LGALS3BP: variants seen among roughly 807,000 people sequenced by gnomAD.
LGALS3BP encodes galectin 3 binding protein.
Under a neutral mutation model 22.9 loss-of-function variants are expected in LGALS3BP, and 25 were observed. That is an observed-to-expected ratio of 1.09 (90% CI 0.80 to 1.53). LGALS3BP has a LOEUF of 1.53. LGALS3BP is among the 40% of genes most tolerant of loss of function. The pLI is 0.00. For synonymous variants in LGALS3BP, 335 were observed against 331.1 expected, an observed-to-expected ratio of 1.01 and a Z score of -0.13; for missense variants, 718 against 752.0, an observed-to-expected ratio of 0.95 and a Z score of 0.53.
chr17:78,972,289 G>T lies in LGALS3BP; in HGVS notation c.1045C>A (p.Pro349Thr), dbSNP rs1294063221. 4 of 1,613,360 alleles carry T rather than the reference G, an allele frequency of 2.5e-6. No homozygotes were observed. Among genetic ancestry groups the T allele is most frequent in the Non-Finnish European group, 3.4e-6 (4 of 1,179,804 alleles). Reference sequence around the variant, plus strand: ...AAGAGCTCCTCAGGGAGCATCATGGGGAAGCGGATCTTCTCCACCAAGCCC... The same window carrying T: ...AAGAGCTCCTCAGGGAGCATCATGGTGAAGCGGATCTTCTCCACCAAGCCC... The part of the protein sequence containing the change: ...VEGLVEKIRF[P>T]MMLPEELFEL... Residue 349 changes from proline (P) to threonine (T), a missense_variant, in exon 6 of 6, where the codon CCC (proline) becomes ACC (threonine). Transcript: ENST00000262776. This position sits in a 1 kb window ranked among gnomAD's most constrained non-coding sequence, Gnocchi z 5.1.
Position 78,977,139 on chromosome 17 carries a change from C to T in LGALS3BP, c.52+1G>A, listed in dbSNP as rs747685151. The T allele has an allele frequency of 6.8e-6, 11 of 1,613,308 alleles. No individual in the cohort carries two copies. The highest frequency in any genetic ancestry group is 9.3e-6 in the Non-Finnish European group (11 of 1,179,998). Reference sequence around the variant, plus strand: ...TGGTATTTCCCAGGGGCTCAGCTCACCTTGGGTTCCTGCAACCAGCAGCCA... The same window carrying T: ...TGGTATTTCCCAGGGGCTCAGCTCATCTTGGGTTCCTGCAACCAGCAGCCA... On this transcript the variant is annotated splice_donor_variant, in intron 2 of 5. Transcript: ENST00000262776. LOFTEE classifies it high-confidence loss of function.
At chr17:78,978,345 G>A (rs78176322) in intron 1 of LGALS3BP, among the ~76,000 whole-genome samples, 2 of 152,214 alleles carry the variant, frequency 1.3e-5, no homozygotes, top group Non-Finnish European at 2.9e-5. Flanking sequence ...ACTCGTGCTC[G>A]CTGGCACTGT....
chr17:78,976,146 A>G lies in LGALS3BP; in HGVS notation c.63T>C (p.Asp21=). The G allele has an allele frequency of 1.9e-6, 3 of 1,580,180 alleles. No homozygotes were observed. The highest frequency in any genetic ancestry group is 2.3e-5 in the South Asian group (2 of 86,572). Residue 21 remains aspartate, a synonymous_variant, in exon 3 of 6, where the codon GAT becomes GAC. Transcript: ENST00000262776. This position sits in a 1 kb window ranked among gnomAD's most constrained non-coding sequence, Gnocchi z 4.6. ...LLVAGTQGVN[D]GDMRLADGGA... ...CCCCATCGGCCAGCCGCATGTCACC[A>G]TCGTTCACGCCTGCAGGCAGAGACC...
chr17:78,975,606 C>A (rs1395379047), intron 3 of LGALS3BP, among the ~76,000 whole-genome samples: 1 of 151,928 alleles, frequency 6.6e-6, no homozygotes, highest in Non-Finnish European at 1.5e-5. Context: ...GCCTGGCCAA[C>A]ATGGTGAAAC....
intron 1 of LGALS3BP, among the ~76,000 whole-genome samples, chr17:78,978,722 C>T (rs904691663): frequency 2.0e-5 from 3 of 152,244 alleles, no homozygotes; most frequent in Non-Finnish European, 4.4e-5. Context: ...CACTCTGCTG[C>T]AGCCACTAGG....
chr17:78,974,603 G>T lies in LGALS3BP; in HGVS notation c.376+85C>A, dbSNP rs534995320. The T allele has an allele frequency of 9.2e-4, 1,355 of 1,469,786 alleles. 10 individuals are homozygous for T. The Middle Eastern group carries it at 0.023, about 25-fold the overall frequency. 91.0% of individuals were successfully genotyped at this position (1,469,786 alleles called of 1,614,324 possible). A position where few individuals can be genotyped will look rare whatever the true frequency, so the allele number is the denominator to read the frequency against. On this transcript the variant is annotated intron_variant, in intron 4 of 5. Transcript: ENST00000262776. ...AGGAACCTTTGTGTGCTTCATGTGCGTGGGGGGGTGGTGCTGGGAGGGGCA... is the reference window on the plus strand; with the variant it reads ...AGGAACCTTTGTGTGCTTCATGTGCTTGGGGGGGTGGTGCTGGGAGGGGCA...
At position 78,971,446 on chromosome 17, in the gene LGALS3BP, A is replaced by C; in HGVS notation, c.*130T>G. The C allele has an allele frequency of 1.2e-6, 1 of 803,310 alleles. No homozygotes were observed. The highest frequency in any genetic ancestry group is 1.9e-6 in the Non-Finnish European group (1 of 520,252). 49.8% of individuals were successfully genotyped at this position (803,310 alleles called of 1,614,324 possible). On this transcript the variant is annotated 3_prime_UTR_variant, in exon 6 of 6. Transcript: ENST00000262776. The surrounding 1 kb of genome is among the most constrained non-coding windows in gnomAD (Gnocchi z 5.6). ...AGTAATTTCTTGAAGCTGAGCGCTC[A>C]GGTGAGTAGGGCGACATCTGGTGGC...
At chr17:78,977,966 T>C (rs2070735031) in intron 1 of LGALS3BP, among the ~76,000 whole-genome samples, 1 of 152,208 alleles carries the variant, frequency 6.6e-6, no homozygotes, top group Non-Finnish European at 1.5e-5. Flanking sequence ...TGGCCTGGTG[T>C]TCTTGCCTCC....
At position 78,971,697 on chromosome 17, in the gene LGALS3BP, C is replaced by G; in HGVS notation, c.1637G>C (p.Ser546Thr). 6.2e-7 allele frequency: 1 copy of G among 1,613,966 alleles called. No homozygotes were observed. Among genetic ancestry groups the G allele is most frequent in the South Asian group, 1.1e-5 (1 of 91,074 alleles). Residue 546 changes from serine to threonine, a missense_variant, in exon 6 of 6, where the codon AGT becomes ACT. Physicochemically the swap from Ser to Thr is moderately conservative, Grantham distance 58. Transcript: ENST00000262776. The surrounding 1 kb of genome is among the most constrained non-coding windows in gnomAD (Gnocchi z 5.6). ...CTTCGAGCTGTTGGTGTCCAGGGCA[C>G]TGGGAATCGCAGCCTTCCAGCCCTC... ...DFEGWKAAIP[S>T]ALDTNSSKST...
rs1329521747 is a variant in LGALS3BP at position 78,973,459 on chromosome 17, C to G, written c.377-237G>C. The G allele has an allele frequency of 5.8e-6, 3 of 518,522 alleles. No homozygotes were observed. Among genetic ancestry groups the G allele is most frequent in the Non-Finnish European group, 1.0e-5 (3 of 292,590 alleles). The allele number at this position is 518,522 out of a possible 1,614,324, so 32.1% of individuals were successfully genotyped here. On this transcript the variant is annotated intron_variant, in intron 4 of 5. Coordinates refer to ENST00000262776, the MANE Select transcript of LGALS3BP (RefSeq NM_005567.4). The surrounding 1 kb of genome is among the most constrained non-coding windows in gnomAD (Gnocchi z 5.8). ...TAGGACCTGGCCAAGCCTGTCCAGG[C>G]CCCCGCTTTAGGCCCTCTGCTCTGT...
At position 78,976,816 on chromosome 17, in the gene LGALS3BP, A is replaced by G. The variant is rs2070724678; in HGVS notation, c.52+324T>C. The G allele has an allele frequency of 2.0e-5, 7 of 357,654 alleles. No homozygotes were observed. Among genetic ancestry groups the G allele is most frequent in the South Asian group, 1.9e-4 (6 of 31,832 alleles). The allele number at this position is 357,654 out of a possible 1,614,324, so 22.2% of individuals were successfully genotyped here. On this transcript the variant is annotated intron_variant, in intron 2 of 5. Transcript: ENST00000262776. The surrounding 1 kb of genome is among the most constrained non-coding windows in gnomAD (Gnocchi z 4.6). ...AAAAGCAGCCAGGACCCTCTGGAAGACTGACCTGCGTCCAAGGCCACTGAC... is the reference window on the plus strand; with the variant it reads ...AAAAGCAGCCAGGACCCTCTGGAAGGCTGACCTGCGTCCAAGGCCACTGAC...
intron 1 of LGALS3BP, 24 bp from the exon 2 acceptor site, chr17:78,977,238 G>T (rs2070728882): frequency 2.5e-6 from 4 of 1,596,328 alleles, no homozygotes; most frequent in Non-Finnish European, 3.4e-6. Flanking sequence ...AAGCGGAGGG[G>T]TGAGGCACGG....
At chr17:78,978,123 G>C (rs1419290079) in intron 1 of LGALS3BP, among the ~76,000 whole-genome samples, 3 of 152,216 alleles carry the variant, frequency 2.0e-5, no homozygotes, top group African/African-American at 7.2e-5. Flanking sequence ...CAGGCCTCTG[G>C]GTGGCACTGC....
chr17:78,974,851 C>T (rs760026434), intron 3 of LGALS3BP, 32 bp from the exon 4 acceptor site: 324 of 1,606,416 alleles, frequency 2.0e-4, no homozygotes, highest in Admixed American at 7.4e-4. Context: ...GGGCTGGGGG[C>T]GTGACGACTG....
rs1306470538 is a variant in LGALS3BP at position 78,976,204 on chromosome 17, C to A, written c.53-48G>T. ...GCGAGGCTGGGGCCTGCAGCACCCA[C>A]CGCCCACACCTCCAGGCCCCATATG... On this transcript the variant is annotated intron_variant, in intron 2 of 5. Coordinates refer to ENST00000262776, the MANE Select transcript of LGALS3BP (RefSeq NM_005567.4). The surrounding 1 kb of genome is among the most constrained non-coding windows in gnomAD (Gnocchi z 4.6). 1.4e-6 allele frequency: 2 copies of A among 1,467,040 alleles called. No homozygotes were observed. The highest frequency in any genetic ancestry group is 2.2e-5 in the Admixed American group (1 of 45,346). 90.9% of individuals were successfully genotyped at this position (1,467,040 alleles called of 1,614,324 possible).
At position 78,971,839 on chromosome 17, in the gene LGALS3BP, C is replaced by T. The variant is rs1568022149; in HGVS notation, c.1495G>A (p.Asp499Asn). Residue 499 changes from aspartate to asparagine, a missense_variant, in exon 6 of 6, where the codon GAC (aspartate) becomes AAC (asparagine). Transcript: ENST00000262776. The surrounding 1 kb of genome is among the most constrained non-coding windows in gnomAD (Gnocchi z 5.6). ...GTGAGGCCCAGGACAGGGAGCTCGTCCGAGGAGCAGGAGAAGCCGTAGTTC... is the reference window on the plus strand; with the variant it reads ...GTGAGGCCCAGGACAGGGAGCTCGTTCGAGGAGCAGGAGAAGCCGTAGTTC... ...CWNYGFSCSS[D>N]ELPVLGLTKS... The T allele has an allele frequency of 6.2e-7, 1 of 1,614,084 alleles. No homozygotes were observed. The highest frequency in any genetic ancestry group is 8.5e-7 in the Non-Finnish European group (1 of 1,180,024).
rs765918440 is a variant in LGALS3BP at position 78,974,821 on chromosome 17, T to C, written c.245-2A>G. 2.5e-5 allele frequency: 41 copies of C among 1,613,374 alleles called. No individual in the cohort carries two copies. Among genetic ancestry groups the C allele is most frequent in the Non-Finnish European group, 3.3e-5 (39 of 1,179,794 alleles). The stretch of plus-strand genomic sequence containing the variant: ...CATCCAGCATGATGGGGCCTGATCC[T>C]GTGGACACAGCAGATGGCAGGGCTG... On this transcript the variant is annotated splice_acceptor_variant, in intron 3 of 5. Coordinates refer to ENST00000262776, the MANE Select transcript of LGALS3BP (RefSeq NM_005567.4). LOFTEE classifies it high-confidence loss of function.
chr17:78,978,396 G>T (rs2070738124), intron 1 of LGALS3BP, among the ~76,000 whole-genome samples: 1 of 152,224 alleles, frequency 6.6e-6, no homozygotes, highest in South Asian at 2.1e-4. Flanking sequence ...ACCACTGGAG[G>T]CCTTACCGTG....
chr17:78,974,860 T>C (rs201270404), intron 3 of LGALS3BP, 41 bp from the exon 4 acceptor site: 3 of 1,603,258 alleles, frequency 1.9e-6, no homozygotes, highest in East Asian at 4.5e-5. Context: ...GCGTGACGAC[T>C]GCACCCAGGA....
Sources: allele counts gnomAD v4.1 joint callset (sites outside exome capture counted in the v4.1 genomes callset), GRCh38; gene constraint gnomAD v4.1.1; non-coding constraint Gnocchi (gnomAD v3.1); transcripts MANE v1.5; gene names NCBI Gene and HGNC (gene_info 2026-07-23, HGNC 2026-07-21).